The following NTRK3 variants were observed in gnomAD, a reference collection of about 807,000 sequenced individuals.
The protein encoded by NTRK3 is neurotrophic receptor tyrosine kinase 3, also known as NT-3 growth factor receptor.
In NTRK3, 24 loss-of-function variants were observed where a neutral mutation model predicts 91.7. The observed-to-expected ratio is 0.26, with a 90% CI of 0.19 to 0.37. The LOEUF (loss-of-function observed/expected upper bound fraction) is 0.37, where lower values mean the gene tolerates loss of function less well. Among genes scored for constraint, NTRK3 ranks in the 10% least tolerant of loss-of-function variants. NTRK3 has a pLI of 1.00. For synonymous variants in NTRK3, 483 were observed against 404.0 expected, an observed-to-expected ratio of 1.20 and a Z score of -2.34; for missense variants, 880 against 1,068.9, an observed-to-expected ratio of 0.82 and a Z score of 2.46.
intron 5 of NTRK3, among the ~76,000 whole-genome samples, chr15:88,183,200 C>A (rs1032096209): frequency 6.6e-6 from 1 of 152,156 alleles, no homozygotes; most frequent in African/African-American, 2.4e-5. Context: ...TCCCTCTCAG[C>A]CCCTGGTCCT....
At chr15:87,973,862 T>C (rs2073471815) in intron 14 of NTRK3, among the ~76,000 whole-genome samples, 1 of 152,130 alleles carries the variant, frequency 6.6e-6, no homozygotes. Flanking sequence ...GCCACCTTCA[T>C]TTTGCTCTTG....
In NTRK3 at chr15:88,120,909, C is replaced by T. The variant is rs531581356; in HGVS notation, c.1396+5362G>A. Among the ~76,000 whole-genome samples the T allele has an allele frequency of 3.3e-5, 5 of 152,330 alleles. No homozygotes were observed. In the South Asian group the frequency reaches 1.0e-3, roughly 32 times the overall value. ...CTGGGTCTCAGTTTCCTTAGCTGTA[C>T]AATGGGCACATTAGCCTAATAAGCC... is the stretch of plus-strand genomic sequence containing the variant. On this transcript the variant is annotated intron_variant, in intron 13 of 18. Transcript: ENST00000394480.
intron 13 of NTRK3, among the ~76,000 whole-genome samples, chr15:88,115,867 C>T (rs1459872985): frequency 6.6e-6 from 1 of 152,128 alleles, no homozygotes; most frequent in African/African-American, 2.4e-5. Context: ...TTCCTCCGCC[C>T]ACCGACAGAC....
At chr15:88,184,149 G>A (rs930341658) in intron 4 of NTRK3, 76 bp downstream of exon 4, 21 of 1,450,816 alleles carry the variant, frequency 1.4e-5, no homozygotes, top group South Asian at 8.3e-5. Context: ...TGCCCCTCAC[G>A]CCACCCCAGA....
chr15:87,921,058 AT>A (rs2067829346), intron 17 of NTRK3, among the ~76,000 whole-genome samples: 1 of 152,186 alleles, frequency 6.6e-6, no homozygotes, highest in South Asian at 2.1e-4. Context: ...TGAGTGAAGG[AT>A]ATATGGGAAT....
In NTRK3 at chr15:87,988,029, T is replaced by C. The variant is rs559653632; in HGVS notation, c.1585+44828A>G. Reference sequence around the variant, plus strand: ...CCCACCCCTTGAGTGTACACTGTTATTGGCTTACTTCCAAAGTATACGGAA... The same window carrying C: ...CCCACCCCTTGAGTGTACACTGTTACTGGCTTACTTCCAAAGTATACGGAA... On this transcript the variant is annotated intron_variant, in intron 14 of 18. Transcript: ENST00000394480. 3.3e-5 allele frequency among the ~76,000 whole-genome samples: 5 copies of C among 152,320 alleles called. No individual in the cohort carries two copies. In the South Asian group the frequency reaches 1.0e-3, roughly 32 times the overall value.
chr15:87,988,177 A>C (rs1322260580), intron 14 of NTRK3, among the ~76,000 whole-genome samples: 1 of 152,240 alleles, frequency 6.6e-6, no homozygotes, highest in African/African-American at 2.4e-5. Flanking sequence ...TGAAGTGATG[A>C]GAATGGCCTT....
intron 17 of NTRK3, among the ~76,000 whole-genome samples, chr15:87,880,639 C>G (rs2065191147): frequency 6.6e-6 from 1 of 152,154 alleles, no homozygotes; most frequent in Admixed American, 6.6e-5. Context: ...AGAGGTAACA[C>G]CTGAGGGAAG....
At chr15:88,143,826 C>G (rs1198528544) in intron 6 of NTRK3, 4 of 152,222 alleles carry the variant, frequency 2.6e-5, no homozygotes, top group African/African-American at 9.7e-5. Flanking sequence ...AATATTTTAC[C>G]AAGCTGATTA....
chr15:88,164,858 C>T (rs1436145008), intron 5 of NTRK3, among the ~76,000 whole-genome samples: 1 of 152,180 alleles, frequency 6.6e-6, no homozygotes, highest in African/African-American at 2.4e-5. Context: ...AGTCTTTTGG[C>T]CTCTCTTGTC....
chr15:88,047,809 G>A (rs1295063474), intron 13 of NTRK3, among the ~76,000 whole-genome samples: 1 of 152,190 alleles, frequency 6.6e-6, no homozygotes, highest in Non-Finnish European at 1.5e-5. Context: ...CCTTTGGTCT[G>A]GATGAAAAAT....
At chr15:88,075,267 GTCAACAAC>G (rs2047437053) in intron 13 of NTRK3, among the ~76,000 whole-genome samples, 1 of 152,190 alleles carries the variant, frequency 6.6e-6, no homozygotes, top group African/African-American at 2.4e-5. Context: ...CATCCACAGG[GTCAACAAC>G]TCTATCTGCA....
chr15:87,959,144 C>A (rs904639374), intron 14 of NTRK3, among the ~76,000 whole-genome samples: 1 of 152,184 alleles, frequency 6.6e-6, no homozygotes, highest in Non-Finnish European at 1.5e-5. Context: ...AAAGGAGTCA[C>A]TTCTAGCCTA....
chr15:88,206,840 G>A lies in NTRK3; in HGVS notation c.249-22541C>T, dbSNP rs79069950. On this transcript the variant is annotated intron_variant, in intron 3 of 18. Transcript: ENST00000394480. ...GCCACAGCCATCTGTCTCTGCATCG[G>A]AGGCCCCACGCAGGGCCTTTGTTAG... 2.4e-3 allele frequency among the ~76,000 whole-genome samples: 365 copies of A among 152,228 alleles called. 6 individuals are homozygous for A. The highest frequency in any genetic ancestry group is 0.023 in the East Asian group (117 of 5,146).
At chr15:87,945,576 T>C (rs2070381461) in intron 14 of NTRK3, among the ~76,000 whole-genome samples, 1 of 151,942 alleles carries the variant, frequency 6.6e-6, no homozygotes, top group African/African-American at 2.4e-5. Context: ...TCATCCTACC[T>C]CTGTTCCCCT....
At chr15:87,917,720 T>C (rs1339557314) in intron 17 of NTRK3, among the ~76,000 whole-genome samples, 1 of 152,156 alleles carries the variant, frequency 6.6e-6, no homozygotes, top group Non-Finnish European at 1.5e-5. Context: ...TTAGTTCCCA[T>C]GAGATCTAGT....
At chr15:88,046,780 C>T (rs564562786) in intron 13 of NTRK3, among the ~76,000 whole-genome samples, 1 of 152,338 alleles carries the variant, frequency 6.6e-6, no homozygotes, top group East Asian at 1.9e-4. Context: ...GCTCACTCAT[C>T]CCTTTCACAG....
At chr15:87,947,955 C>T (rs1185306914) in intron 14 of NTRK3, among the ~76,000 whole-genome samples, 1 of 152,052 alleles carries the variant, frequency 6.6e-6, no homozygotes, top group Non-Finnish European at 1.5e-5. Flanking sequence ...GGAAGGAGAC[C>T]ACCAAGAGGG....
chr15:87,869,740 A>G (rs2064774992), exon 19 of NTRK3: 1 of 201,612 alleles, frequency 5.0e-6, no homozygotes, highest in African/African-American at 2.3e-5. Flanking sequence ...AATCACCTGG[A>G]CCACGTTTAT....
Sources: gnomAD v4.1 joint callset for allele counts (sites outside exome capture counted in the v4.1 genomes callset) on GRCh38, gnomAD v4.1.1 for gene constraint, MANE v1.5 for transcripts, NCBI Gene and HGNC (gene_info 2026-07-23, HGNC 2026-07-21) for gene names.